The following GALC variants were observed in gnomAD, a reference collection of about 807,000 sequenced individuals.
GALC encodes galactosylceramidase.
A neutral mutation model predicts 91.8 loss-of-function variants in GALC; 77 were observed. The ratio of observed to expected loss-of-function variants is 0.84; its 90% CI spans 0.70 to 1.01. The LOEUF is 1.01. Ranked by LOEUF, GALC falls within the 50% of genes least tolerant of loss-of-function variation. The probability of loss-of-function intolerance (pLI) is 0.00; values close to 1 mark genes in which losing one functional copy is unlikely to be tolerated. For synonymous variants in GALC, 357 were observed against 306.7 expected (o/e 1.16, Z -1.71); for missense variants, 882 against 855.9 (o/e 1.03, Z -0.38).
rs77468347 is a variant in GALC at position 87,984,584 on chromosome 14, C to T, written c.443-51G>A. The T allele has an allele frequency of 0.14, 227,485 of 1,603,878 alleles. 17,456 individuals carry two copies. Among genetic ancestry groups the T allele is most frequent in the Middle Eastern group, 0.16 (970 of 6,036 alleles). Reference sequence around the variant, plus strand: ...GGTAGAGGAGGTATAACGGTGCTGGCGCTATTGAAAATAAAACAAATTTTT... The same window carrying T: ...GGTAGAGGAGGTATAACGGTGCTGGTGCTATTGAAAATAAAACAAATTTTT... On this transcript the variant is annotated intron_variant, in intron 4 of 16. Coordinates refer to ENST00000261304, the MANE Select transcript of GALC (RefSeq NM_000153.4).
At chr14:87,984,600 A>G in intron 4 of GALC, 67 bp from the exon 5 acceptor site, 1 of 1,569,958 alleles carries the variant, frequency 6.4e-7, no homozygotes, top group Non-Finnish European at 8.7e-7. Flanking sequence ...TGAAAATAAA[A>G]CAAATTTTTT....
intron 4 of GALC, among the ~76,000 whole-genome samples, chr14:87,984,907 A>G (rs10142115): frequency 0.37 from 56,158 of 151,904 alleles, 11,104 homozygotes; most frequent in East Asian, 0.76. Flanking sequence ...TTTGAGGTCA[A>G]ATCAAAGAAT....
At chr14:87,953,811 A>C (rs1347602287) in intron 10 of GALC, 1 of 1,607,916 alleles carries the variant, frequency 6.2e-7, no homozygotes, top group East Asian at 2.2e-5. Context: ...TAAAAGCCAG[A>C]AGTATGATTG....
At chr14:87,991,410 G>C (rs930969322) in intron 1 of GALC, among the ~76,000 whole-genome samples, 2 of 152,156 alleles carry the variant, frequency 1.3e-5, no homozygotes. Context: ...CACCGTGTTA[G>C]CCAGGATAGT....
chr14:87,933,053 G>A lies in GALC; in HGVS notation c.*1679C>T, dbSNP rs556698910. On this transcript the variant is annotated 3_prime_UTR_variant, in exon 17 of 17. Transcript: ENST00000261304. ...AGTTTTAATTGTAGTATCAGAAACT[G>A]GTGGGGAGGAAACAAATTGTGGTAT... 1 of 152,196 alleles carries A rather than the reference G, an allele frequency of 6.6e-6. No homozygotes were observed. Among genetic ancestry groups the A allele is most frequent in the African/African-American group, 2.4e-5 (1 of 41,538 alleles). 9.4% of individuals were successfully genotyped at this position (152,196 alleles called of 1,614,324 possible). A position where few individuals can be genotyped will look rare whatever the true frequency, so the allele number is the denominator to read the frequency against.
At chr14:87,960,962 A>G (rs545263849) in intron 10 of GALC, among the ~76,000 whole-genome samples, 5 of 152,296 alleles carry the variant, frequency 3.3e-5, no homozygotes, top group Admixed American at 2.0e-4. Flanking sequence ...AAGAGAAAAC[A>G]AAGTGGGCTT....
At chr14:87,956,314 A>T (rs527403857) in intron 10 of GALC, among the ~76,000 whole-genome samples, 1 of 152,058 alleles carries the variant, frequency 6.6e-6, no homozygotes, top group East Asian at 1.9e-4. Flanking sequence ...ACTCCAGCAA[A>T]TCACTAAGTA....
At chr14:87,946,417 C>T (rs1885073565) in intron 13 of GALC, among the ~76,000 whole-genome samples, 1 of 151,952 alleles carries the variant, frequency 6.6e-6, no homozygotes, top group Non-Finnish European at 1.5e-5. Context: ...AGCTCTTATA[C>T]CTCATGCTTT....
intron 13 of GALC, among the ~76,000 whole-genome samples, chr14:87,946,913 G>A (rs184568340): frequency 2.3e-4 from 35 of 151,934 alleles, no homozygotes; most frequent in Admixed American, 2.2e-3. Context: ...AAAGGGAGGC[G>A]AGACCCTGTA....
chr14:87,983,119 C>G (rs1289794093), intron 5 of GALC, among the ~76,000 whole-genome samples: 1 of 152,014 alleles, frequency 6.6e-6, no homozygotes, highest in Non-Finnish European at 1.5e-5. Flanking sequence ...GCGGGCGGAT[C>G]ACGAGGTCAG....
intron 16 of GALC, among the ~76,000 whole-genome samples, chr14:87,936,793 A>G (rs1307569056): frequency 6.6e-6 from 1 of 150,946 alleles, no homozygotes; most frequent in Non-Finnish European, 1.5e-5. Flanking sequence ...AAGTCTCAGC[A>G]TGTGTTAGTG....
chr14:87,935,047 G>GA (rs1884511708), intron 16 of GALC, among the ~76,000 whole-genome samples, 169 bp from the exon 17 acceptor site: 1 of 151,832 alleles, frequency 6.6e-6, no homozygotes, highest in African/African-American at 2.4e-5. Context: ...TTAAAATACA[G>GA]GAAAAAACTC....
rs183104020 is a variant in GALC, at chr14:87,937,400, G to A, written c.1911+2505C>T. ...AATGGGTGCCTGACAGACTACTTTA[G>A]TGCAGATAGTTACAGAAGACCCTCA... On this transcript the variant is annotated intron_variant, in intron 16 of 16. Transcript: ENST00000261304. Among the ~76,000 whole-genome samples the A allele has an allele frequency of 4.5e-3, 682 of 151,944 alleles. 4 individuals are homozygous for A. The highest frequency in any genetic ancestry group is 6.2e-3 in the Non-Finnish European group (419 of 67,928).
At chr14:87,986,637 C>A (rs77466023) in intron 3 of GALC, 35 bp from the exon 4 acceptor site, 1 of 1,315,736 alleles carries the variant, frequency 7.6e-7, no homozygotes, top group Non-Finnish European at 1.1e-6. Flanking sequence ...AAGTAATGAT[C>A]CATGAATGGT....
chr14:87,984,777 G>T (rs1050367719), intron 4 of GALC, among the ~76,000 whole-genome samples: 2 of 152,032 alleles, frequency 1.3e-5, no homozygotes, highest in African/African-American at 4.8e-5. Context: ...CCAAGAAGAA[G>T]AAAAATAACA....
In GALC at chr14:87,934,721, C is replaced by A; in HGVS notation, c.*11G>T. 1 of 1,612,876 alleles carries A rather than the reference C, an allele frequency of 6.2e-7. No individual in the cohort carries two copies. The highest frequency in any genetic ancestry group is 8.5e-7 in the Non-Finnish European group (1 of 1,179,324). ...GAAAATCCAGAGTATTCTATGATGCCCTGTTAAGTATTAGCGTGTGGCTTC... is the reference window on the plus strand; with the variant it reads ...GAAAATCCAGAGTATTCTATGATGCACTGTTAAGTATTAGCGTGTGGCTTC... On this transcript the variant is annotated 3_prime_UTR_variant, in exon 17 of 17. Coordinates refer to ENST00000261304, the MANE Select transcript of GALC (RefSeq NM_000153.4).
At chr14:87,990,449 C>T (rs1887150904) in intron 1 of GALC, among the ~76,000 whole-genome samples, 1 of 152,184 alleles carries the variant, frequency 6.6e-6, no homozygotes, top group East Asian at 1.9e-4. Context: ...TTACCTGGCA[C>T]ATAGTAAGTT....
At position 87,934,644 on chromosome 14, in the gene GALC, C is replaced by G. The variant is rs1356676038; in HGVS notation, c.*88G>C. ...TTTTTAGTCTCAAAAGCCTCATATACTGTTCCAATGAAACAAGAATTGGCT... is the reference window on the plus strand; with the variant it reads ...TTTTTAGTCTCAAAAGCCTCATATAGTGTTCCAATGAAACAAGAATTGGCT... On this transcript the variant is annotated 3_prime_UTR_variant, in exon 17 of 17. Coordinates refer to ENST00000261304, the MANE Select transcript of GALC (RefSeq NM_000153.4). The G allele has an allele frequency of 5.6e-6, 9 of 1,605,490 alleles. No homozygotes were observed. The highest frequency in any genetic ancestry group is 7.6e-6 in the Non-Finnish European group (9 of 1,176,788).
chr14:87,987,975 TATA>T (rs1887043356), intron 3 of GALC, 166 bp downstream of exon 3: 1 of 616,858 alleles, frequency 1.6e-6, no homozygotes, highest in Middle Eastern at 4.3e-4. Context: ...TCATATTCTA[TATA>T]ATATTTTTAA....
Sources: allele counts gnomAD v4.1 joint callset (sites outside exome capture counted in the v4.1 genomes callset), GRCh38; gene constraint gnomAD v4.1.1; transcripts MANE v1.5; gene names NCBI Gene and HGNC (gene_info 2026-07-23, HGNC 2026-07-21).